ACACA: variants seen among roughly 807,000 people sequenced by gnomAD.
ACACA encodes the protein acetyl-CoA carboxylase alpha, also known as acetyl-CoA carboxylase 1.
In ACACA, 103 loss-of-function variants were observed where a neutral mutation model predicts 296.1. The ratio of observed to expected loss-of-function variants is 0.35; its 90% CI spans 0.30 to 0.41. The LOEUF is 0.41. Among genes scored for constraint, ACACA ranks in the 10% least tolerant of loss-of-function variants. The pLI is 1.00. For synonymous variants in ACACA, 953 were observed against 1,038.6 expected, an observed-to-expected ratio of 0.92 and a Z score of 1.58; for missense variants, 1,554 against 2,989.7, an observed-to-expected ratio of 0.52 and a Z score of 11.20.
In ACACA at chr17:37,255,100, C is replaced by CA. The variant is rs199744170; in HGVS notation, c.1827-2065dup. On this transcript the variant is annotated intron_variant, in intron 14 of 55. Coordinates refer to ENST00000616317, the MANE Select transcript of ACACA (RefSeq NM_198834.3). The stretch of plus-strand genomic sequence containing the variant: ...TGGGCGACAGAGCAAGACTCTGTCT[C>CA]AAAAAAAAAAAAGGAAAATACAGCT... Among the ~76,000 whole-genome samples the CA allele has an allele frequency of 7.4e-3, 887 of 120,634 alleles. 2 individuals carry two copies. The highest frequency in any genetic ancestry group is 9.8e-3 in the Admixed American group (115 of 11,708). 79.1% of individuals were successfully genotyped at this position (120,634 alleles called of 152,430 possible).
At chr17:37,371,901 A>G (rs1263990318) in intron 1 of ACACA, among the ~76,000 whole-genome samples, 1 of 151,744 alleles carries the variant, frequency 6.6e-6, no homozygotes, top group Non-Finnish European at 1.5e-5. Context: ...CTACGTCTCA[A>G]AAAAAAATAA....
intron 43 of ACACA, among the ~76,000 whole-genome samples, chr17:37,151,839 T>A (rs1424460765): frequency 6.6e-6 from 1 of 152,144 alleles, no homozygotes; most frequent in Non-Finnish European, 1.5e-5. Flanking sequence ...TTTTTGTATT[T>A]TCAGTAGGGA....
At chr17:37,270,888 G>C (rs1396361983) in intron 9 of ACACA, 27 bp from the exon 10 acceptor site, 1 of 1,560,806 alleles carries the variant, frequency 6.4e-7, no homozygotes, top group East Asian at 2.2e-5. Flanking sequence ...AAAAAAAATA[G>C]AAGAAACAGT....
Position 37,087,773 on chromosome 17 carries a change from T to C in ACACA, c.7029-334A>G, listed in dbSNP as rs17848791. The stretch of plus-strand genomic sequence containing the variant: ...TAAATCAGTAAAAAATAGAACTTCA[T>C]GAGTCTGTACCAATAATGTATATAT... On this transcript the variant is annotated intron_variant, in intron 55 of 55. Coordinates refer to ENST00000616317, the MANE Select transcript of ACACA (RefSeq NM_198834.3). Among the ~76,000 whole-genome samples, 146 of 152,290 alleles carry C rather than the reference T, an allele frequency of 9.6e-4. 1 individual carries two copies. In the East Asian group the frequency reaches 0.015, roughly 16 times the overall value.
intron 16 of ACACA, among the ~76,000 whole-genome samples, 198 bp from the exon 17 acceptor site, chr17:37,248,872 C>T (rs2080844891): frequency 6.6e-6 from 1 of 152,096 alleles, no homozygotes; most frequent in South Asian, 2.1e-4. Context: ...GTAAAATACA[C>T]ATTACATTAA....
intron 4 of ACACA, among the ~76,000 whole-genome samples, chr17:37,283,920 T>A (rs542310837): frequency 6.6e-6 from 1 of 152,336 alleles, no homozygotes; most frequent in East Asian, 1.9e-4. Context: ...ATGGTCACTG[T>A]TGTAGAAAAA....
chr17:37,096,843 G>A (rs1191154336), intron 54 of ACACA, among the ~76,000 whole-genome samples, 153 bp downstream of exon 54: 2 of 152,120 alleles, frequency 1.3e-5, no homozygotes, highest in African/African-American at 4.8e-5. Flanking sequence ...ACATGTTAGG[G>A]GGAGTAGCTG....
At chr17:37,229,453 G>A (rs892762349) in intron 25 of ACACA, among the ~76,000 whole-genome samples, 2 of 151,516 alleles carry the variant, frequency 1.3e-5, no homozygotes, top group African/African-American at 2.4e-5. Flanking sequence ...ACAGGCGCCC[G>A]CCACCATGCC....
chr17:37,334,696 A>C (rs947954731), intron 2 of ACACA, among the ~76,000 whole-genome samples: 1 of 151,848 alleles, frequency 6.6e-6, no homozygotes, highest in Non-Finnish European at 1.5e-5. Context: ...TTTTCTCTTT[A>C]CTGTTCTCTT....
intron 1 of ACACA, among the ~76,000 whole-genome samples, chr17:37,380,601 T>G (rs998779452): frequency 1.3e-4 from 20 of 152,086 alleles, no homozygotes; most frequent in African/African-American, 4.3e-4. Flanking sequence ...TTTCTTTTTT[T>G]TTGTTTTTGT....
chr17:37,324,711 T>G (rs1382634818), intron 3 of ACACA, among the ~76,000 whole-genome samples: 1 of 147,040 alleles, frequency 6.8e-6, no homozygotes, highest in Non-Finnish European at 1.5e-5. Context: ...GGCGCATACC[T>G]GTAGTCCCAG....
intron 1 of ACACA, among the ~76,000 whole-genome samples, chr17:37,403,783 G>T (rs575467251): frequency 6.6e-6 from 1 of 152,078 alleles, no homozygotes; most frequent in East Asian, 1.9e-4. Flanking sequence ...TATGATTTTT[G>T]TTTTTTTGTT....
chr17:37,123,262 G>C (rs1288650971), intron 48 of ACACA, among the ~76,000 whole-genome samples: 4 of 152,128 alleles, frequency 2.6e-5, no homozygotes, highest in Admixed American at 6.5e-5. Flanking sequence ...CCTTGGAAAA[G>C]ACAAATGGGA....
At chr17:37,120,214 C>T (rs2074461160) in intron 50 of ACACA, among the ~76,000 whole-genome samples, 1 of 151,206 alleles carries the variant, frequency 6.6e-6, no homozygotes, top group Non-Finnish European at 1.5e-5. Context: ...TTTCTAATCA[C>T]TATTTACTCC....
At chr17:37,330,563 C>A (rs1452615371) in intron 2 of ACACA, 138 bp from the exon 3 acceptor site, 4 of 1,067,398 alleles carry the variant, frequency 3.7e-6, no homozygotes. Flanking sequence ...CTTGGCTATT[C>A]TATTTCAGGG....
intron 29 of ACACA, among the ~76,000 whole-genome samples, chr17:37,220,543 C>T (rs1443194934): frequency 1.3e-5 from 2 of 152,174 alleles, no homozygotes; most frequent in East Asian, 3.9e-4. Flanking sequence ...GACAACCATT[C>T]GTTTCTAGAA....
chr17:37,126,730 C>T (rs562437345), intron 47 of ACACA, among the ~76,000 whole-genome samples: 1 of 152,312 alleles, frequency 6.6e-6, no homozygotes, highest in East Asian at 1.9e-4. Flanking sequence ...AGTGTTTTAT[C>T]TAGACTAAAC....
chr17:37,159,294 A>G (rs1343437446), intron 42 of ACACA, among the ~76,000 whole-genome samples: 4 of 152,048 alleles, frequency 2.6e-5, no homozygotes, highest in Non-Finnish European at 5.9e-5. Context: ...ATCCTGGCTC[A>G]CTGCAACCTC....
At position 37,376,106 on chromosome 17, in the gene ACACA, T is replaced by C. The variant is rs563108684; in HGVS notation, c.38+30156A>G. On this transcript the variant is annotated intron_variant, in intron 1 of 55. Transcript: ENST00000616317. ...GCTCAAGCTAACATGGATACCATCTTGGTCTTCAGCCTAATCATTGCATCC... is the reference window on the plus strand; with the variant it reads ...GCTCAAGCTAACATGGATACCATCTCGGTCTTCAGCCTAATCATTGCATCC... The C allele has an allele frequency of 5.6e-6, 9 of 1,613,098 alleles. No homozygotes were observed. In the East Asian group the frequency reaches 1.6e-4, roughly 28 times the overall value.
Sources: gnomAD v4.1 joint callset for allele counts (sites outside exome capture counted in the v4.1 genomes callset) on GRCh38, gnomAD v4.1.1 for gene constraint, MANE v1.5 for transcripts, NCBI Gene and HGNC (gene_info 2026-07-23, HGNC 2026-07-21) for gene names.